PTPRS: variants seen among roughly 807,000 people sequenced by gnomAD.
The protein encoded by PTPRS is protein tyrosine phosphatase receptor type S.
Under a neutral mutation model 215.3 loss-of-function variants are expected in PTPRS, and 63 were observed. That is an observed-to-expected ratio of 0.29 (90% CI 0.24 to 0.36). The LOEUF (loss-of-function observed/expected upper bound fraction) is 0.36. Among genes scored for constraint, PTPRS ranks in the 10% least tolerant of loss-of-function variants. PTPRS has a pLI of 1.00. For synonymous variants in PTPRS, 1,404 were observed against 1,191.4 expected (o/e 1.18, Z -3.68); for missense variants, 2,258 against 2,825.8 (o/e 0.80, Z 4.56).
chr19:5,264,913 T>C, intron 5 of PTPRS, 95 bp downstream of exon 5: 4 of 1,393,690 alleles, frequency 2.9e-6, no homozygotes, highest in Non-Finnish European at 2.0e-6. Context: ...TCTCTGTCTG[T>C]CCTCCAGTAG....
chr19:5,329,212 T>A (rs1239881386), intron 1 of PTPRS, among the ~76,000 whole-genome samples: 2 of 148,782 alleles, frequency 1.3e-5, no homozygotes, highest in Non-Finnish European at 3.0e-5. Context: ...CTACATGGAG[T>A]GGAACGGACA....
At position 5,216,625 on chromosome 19, in the gene PTPRS, G is replaced by A. The variant is rs537854061; in HGVS notation, c.4096+95C>T. On this transcript the variant is annotated intron_variant, in intron 26 of 37. Transcript: ENST00000262963. The stretch of plus-strand genomic sequence containing the variant: ...GGGCAAAGGCCGGTGATGGGTGGGC[G>A]TGTGGACAGAGACAGGAGACACGAT... The A allele has an allele frequency of 1.3e-4, 140 of 1,068,614 alleles. 2 individuals are homozygous for A. The South Asian group carries it at 1.4e-3, about 10-fold the overall frequency. The allele number at this position is 1,068,614 out of a possible 1,614,324, so 66.2% of individuals were successfully genotyped here. A position where few individuals can be genotyped will look rare whatever the true frequency, so the allele number is the denominator to read the frequency against.
chr19:5,268,349 G>C (rs2046611485), intron 4 of PTPRS, among the ~76,000 whole-genome samples: 1 of 152,086 alleles, frequency 6.6e-6, no homozygotes, highest in African/African-American at 2.4e-5. Flanking sequence ...TGGAGAAAAA[G>C]TGTGCTGCTT....
chr19:5,214,406 G>A lies in PTPRS; in HGVS notation c.4569C>T (p.Thr1523=). The A allele has an allele frequency of 1.9e-6, 3 of 1,614,160 alleles. No individual in the cohort carries two copies. The highest frequency in any genetic ancestry group is 2.5e-6 in the Non-Finnish European group (3 of 1,180,022). The change falls in exon 30 of 38, where the codon ACC becomes ACT. Residue 1523 remains threonine, a synonymous_variant. Transcript: ENST00000262963. The part of the protein sequence containing the change: ...YGFIQVTLLD[T]IELATFCVRT... The stretch of plus-strand genomic sequence containing the variant: ...TGACGCAGAATGTGGCCAGCTCGAT[G>A]GTATCTAGCAACGTGACCTGGATGA...
intron 5 of PTPRS, among the ~76,000 whole-genome samples, chr19:5,263,461 C>A (rs1420777030): frequency 6.6e-6 from 1 of 151,482 alleles, no homozygotes; most frequent in East Asian, 1.9e-4. Flanking sequence ...GAGTGAGGGG[C>A]GCTGGGGATG....
At chr19:5,308,990 G>A (rs981231145) in intron 1 of PTPRS, among the ~76,000 whole-genome samples, 5 of 152,194 alleles carry the variant, frequency 3.3e-5, no homozygotes, top group Admixed American at 3.3e-4. Context: ...TGTAGAAGTG[G>A]AGGATGCTCA....
At chr19:5,333,483 G>C (rs916705804) in intron 1 of PTPRS, among the ~76,000 whole-genome samples, 4 of 147,672 alleles carry the variant, frequency 2.7e-5, no homozygotes, top group Non-Finnish European at 6.0e-5. Flanking sequence ...ACTCCAGCCT[G>C]AGCAACAGTG....
At position 5,222,875 on chromosome 19, in the gene PTPRS, C is replaced by T. The variant is rs372440262; in HGVS notation, c.2917G>A (p.Gly973Ser). 236 of 1,580,560 alleles carry T rather than the reference C, an allele frequency of 1.5e-4. No individual in the cohort carries two copies. Among genetic ancestry groups the T allele is most frequent in the South Asian group, 2.7e-4 (24 of 89,006 alleles). Residue 973 changes from glycine to serine, a missense_variant, in exon 18 of 38, where the codon GGT becomes AGT. This residue lies in a region of PTPRS where 361 missense variants were observed against 332.6 expected (regional missense o/e 1.09). Transcript: ENST00000262963. ...GTCTCTCGGGCAGGGCCCAGGGCAC[C>T]GGCCTCCCGCACGGCCACCGTGTAT... Reference protein sequence around the residue: ...VKYTVAVREAGALGPARETEL... With the variant: ...VKYTVAVREASALGPARETEL...
At position 5,287,999 on chromosome 19, in the gene PTPRS, C is replaced by A. The variant is rs2146919920; in HGVS notation, c.-94-1765G>T. 6.6e-6 allele frequency among the ~76,000 whole-genome samples: 1 copy of A among 150,532 alleles called. No homozygotes were observed. The highest frequency in any genetic ancestry group is 1.5e-5 in the Non-Finnish European group (1 of 67,694). On this transcript the variant is annotated intron_variant, in intron 1 of 37. Transcript: ENST00000262963. This position sits in a 1 kb window ranked among gnomAD's most constrained non-coding sequence, Gnocchi z 4.8. ...ACACACACACACACACACACACACACACACACACACAATCAGGCAAATAAA... is the reference window on the plus strand; with the variant it reads ...ACACACACACACACACACACACACAAACACACACACAATCAGGCAAATAAA...
chr19:5,328,747 T>C (rs1207261712), intron 1 of PTPRS, among the ~76,000 whole-genome samples: 3 of 151,720 alleles, frequency 2.0e-5, no homozygotes, highest in African/African-American at 7.3e-5. Context: ...CTGGCCAACA[T>C]GGTGAAACCC....
At chr19:5,264,477 G>A (rs932789757) in intron 5 of PTPRS, among the ~76,000 whole-genome samples, 22 of 152,158 alleles carry the variant, frequency 1.4e-4, no homozygotes, top group African/African-American at 4.6e-4. Flanking sequence ...CATCCTTGGC[G>A]GCTTTCTTTC....
At chr19:5,207,881 G>A (rs769922010) in intron 37 of PTPRS, 41 bp downstream of exon 37, 1 of 1,605,046 alleles carries the variant, frequency 6.2e-7, no homozygotes, top group East Asian at 2.2e-5. Context: ...GGCAGTCGGG[G>A]CGTGAGGCCA....
chr19:5,207,248 C>G (rs1471010852), intron 37 of PTPRS, among the ~76,000 whole-genome samples: 2 of 152,196 alleles, frequency 1.3e-5, no homozygotes, highest in Non-Finnish European at 2.9e-5. Context: ...CCATGCCCAG[C>G]TGATTTTTGT....
At chr19:5,304,600 G>A (rs1600081960) in intron 1 of PTPRS, among the ~76,000 whole-genome samples, 2 of 152,186 alleles carry the variant, frequency 1.3e-5, no homozygotes, top group Non-Finnish European at 2.9e-5. Context: ...AGTGAGCTGC[G>A]ATCATGCCAC....
At chr19:5,313,492 G>A (rs2049774762) in intron 1 of PTPRS, among the ~76,000 whole-genome samples, 1 of 152,190 alleles carries the variant, frequency 6.6e-6, no homozygotes, top group African/African-American at 2.4e-5. Context: ...ACAAATCGCT[G>A]CCAGTCTCAT....
At chr19:5,259,529 T>C (rs929835117) in intron 7 of PTPRS, among the ~76,000 whole-genome samples, 2 of 152,116 alleles carry the variant, frequency 1.3e-5, no homozygotes, top group Non-Finnish European at 2.9e-5. Flanking sequence ...AAATAAAAAA[T>C]AAGGCAAAAG....
At chr19:5,286,896 C>T (rs747473320) in intron 1 of PTPRS, among the ~76,000 whole-genome samples, 2 of 152,134 alleles carry the variant, frequency 1.3e-5, no homozygotes, top group Non-Finnish European at 2.9e-5. Flanking sequence ...CACACCAGGA[C>T]TGAGGGGTGC....
At chr19:5,317,375 G>A (rs2071536066) in intron 1 of PTPRS, among the ~76,000 whole-genome samples, 1 of 152,202 alleles carries the variant, frequency 6.6e-6, no homozygotes, top group South Asian at 2.1e-4. Context: ...GGGAGGCTGA[G>A]GCAGGAGAAT....
intron 1 of PTPRS, among the ~76,000 whole-genome samples, chr19:5,333,904 T>C (rs906758687): frequency 1.9e-4 from 29 of 152,230 alleles, no homozygotes; most frequent in African/African-American, 7.0e-4. Context: ...CACACCATGC[T>C]TGTCAACCGA....
Sources: allele counts gnomAD v4.1 joint callset (sites outside exome capture counted in the v4.1 genomes callset), GRCh38; gene constraint gnomAD v4.1.1; regional missense constraint gnomAD v4.1.1; non-coding constraint Gnocchi (gnomAD v3.1); transcripts MANE v1.5; gene names NCBI Gene and HGNC (gene_info 2026-07-23, HGNC 2026-07-21).